The following GLT8D2 variants were observed in gnomAD, a reference collection of about 807,000 sequenced individuals.
GLT8D2 encodes the protein glycosyltransferase 8 domain containing 2, also known as glycosyltransferase 8 domain-containing protein 2.
GLT8D2 carries 45 observed loss-of-function variants against 44.5 expected under a neutral mutation model. The ratio of observed to expected loss-of-function variants is 1.01; its 90% CI spans 0.80 to 1.30. GLT8D2 has a LOEUF of 1.30. Ranked by LOEUF, GLT8D2 falls within the 50% of genes most tolerant of loss-of-function variation. The probability of loss-of-function intolerance (pLI) is 0.00; values close to 1 mark genes in which losing one functional copy is unlikely to be tolerated. For missense variants in GLT8D2, 400 were observed against 430.4 expected, an observed-to-expected ratio of 0.93 and a Z score of 0.62; for synonymous variants, 156 against 157.2, an observed-to-expected ratio of 0.99 and a Z score of 0.06.
At chr12:104,005,227 TA>T (rs1353147043) in intron 4 of GLT8D2, among the ~76,000 whole-genome samples, 1 of 152,066 alleles carries the variant, frequency 6.6e-6, no homozygotes, top group Admixed American at 6.5e-5. Context: ...ATACAAAAAT[TA>T]ATTCAAGATG....
intron 1 of GLT8D2, among the ~76,000 whole-genome samples, chr12:104,022,595 G>A (rs1566203182): frequency 6.6e-6 from 1 of 151,994 alleles, no homozygotes; most frequent in African/African-American, 2.4e-5. Context: ...TATGGCCCTT[G>A]GCACTGATCA....
chr12:104,053,416 G>A (rs574040582), upstream of GLT8D2, among the ~76,000 whole-genome samples: 1 of 152,330 alleles, frequency 6.6e-6, no homozygotes, highest in East Asian at 1.9e-4. Flanking sequence ...TGACACCAGA[G>A]TGGCCTTTGG....
intron 3 of GLT8D2, among the ~76,000 whole-genome samples, chr12:104,016,130 G>T (rs535579351): frequency 3.3e-5 from 5 of 152,304 alleles, no homozygotes; most frequent in African/African-American, 1.2e-4. Context: ...AATAACAGTG[G>T]TGAAACGCAG....
chr12:104,016,774 AGAAG>A (rs1160367285), intron 3 of GLT8D2, among the ~76,000 whole-genome samples: 733 of 58,178 alleles, frequency 0.013, 38 homozygotes, highest in African/African-American at 0.017. Flanking sequence ...AAAGAAAGAA[AGAAG>A]GAAGGAAGGA....
intron 7 of GLT8D2, 147 bp downstream of exon 7, chr12:103,997,304 T>G (rs1451222271): frequency 3.0e-6 from 2 of 665,136 alleles, no homozygotes; most frequent in East Asian, 5.1e-5. Flanking sequence ...CCAAAATACT[T>G]CCACATTTAC....
intron 3 of GLT8D2, among the ~76,000 whole-genome samples, chr12:104,019,345 C>T (rs1477618927): frequency 6.6e-6 from 1 of 152,030 alleles, no homozygotes; most frequent in Non-Finnish European, 1.5e-5. Context: ...CCAGGCTGGT[C>T]TCGAACTCCC....
intron 1 of GLT8D2, among the ~76,000 whole-genome samples, chr12:104,047,434 A>T (rs1881285930): frequency 6.6e-6 from 1 of 151,150 alleles, no homozygotes; most frequent in South Asian, 2.1e-4. Context: ...CCTTCCAAAT[A>T]GCTGGGATTA....
chr12:104,012,943 A>C (rs937590718), intron 4 of GLT8D2: 12 of 575,748 alleles, frequency 2.1e-5, no homozygotes, highest in Non-Finnish European at 3.7e-5. Flanking sequence ...CCAAGGAGAG[A>C]GGCCTCAGGA....
chr12:104,025,365 C>A (rs1461755610), intron 1 of GLT8D2, among the ~76,000 whole-genome samples: 2 of 151,942 alleles, frequency 1.3e-5, no homozygotes, highest in African/African-American at 4.8e-5. Context: ...CACACCACTG[C>A]ACCTGGCTAA....
Position 103,997,448 on chromosome 12 carries a change from T to C in GLT8D2, c.487+3A>G, listed in dbSNP as rs2136281228. 1 of 1,601,736 alleles carries C rather than the reference T, an allele frequency of 6.2e-7. No homozygotes were observed. ...AAGTGTTCTTGGCAGTTAGCGAGAG[T>C]ACCTTGTACAATTACATCATCGTCC... On this transcript the variant is annotated splice_donor_region_variant and intron_variant, in intron 7 of 10. Coordinates refer to ENST00000360814, the MANE Select transcript of GLT8D2 (RefSeq NM_001384711.1).
At chr12:104,028,916 C>T (rs1238069822) in intron 1 of GLT8D2, among the ~76,000 whole-genome samples, 2 of 149,494 alleles carry the variant, frequency 1.3e-5, no homozygotes, top group African/African-American at 4.9e-5. Flanking sequence ...CTGGTCTCTT[C>T]AAATATGTCA....
chr12:103,994,685 A>C (rs938027423), intron 8 of GLT8D2, among the ~76,000 whole-genome samples, 184 bp from the exon 9 acceptor site: 6 of 152,046 alleles, frequency 3.9e-5, no homozygotes, highest in African/African-American at 1.4e-4. Context: ...CTAAATGCTG[A>C]ATGCCCTAAG....
chr12:104,050,645 T>C (rs1038497), upstream of GLT8D2, among the ~76,000 whole-genome samples: 1 of 151,968 alleles, frequency 6.6e-6, no homozygotes, highest in African/African-American at 2.4e-5. Flanking sequence ...CTCTGCGGTG[T>C]GTTCTCAAAC....
At chr12:104,007,852 G>A (rs764517534) in intron 4 of GLT8D2, among the ~76,000 whole-genome samples, 32 of 152,154 alleles carry the variant, frequency 2.1e-4, no homozygotes, top group Non-Finnish European at 4.0e-4. Context: ...TGTTCTCATG[G>A]TAGTGAATAA....
At chr12:104,016,303 A>T (rs1265073449) in intron 3 of GLT8D2, among the ~76,000 whole-genome samples, 1 of 152,062 alleles carries the variant, frequency 6.6e-6, no homozygotes, top group Admixed American at 6.6e-5. Flanking sequence ...CTTAGCCATT[A>T]TGACACAGCT....
At chr12:104,001,759 A>T (rs911182555) in intron 5 of GLT8D2, among the ~76,000 whole-genome samples, 1 of 152,098 alleles carries the variant, frequency 6.6e-6, no homozygotes, top group Non-Finnish European at 1.5e-5. Flanking sequence ...GCTGAAGCGC[A>T]GTGGCACGAT....
intron 4 of GLT8D2, among the ~76,000 whole-genome samples, chr12:104,006,814 T>C (rs1386809519): frequency 2.0e-5 from 3 of 152,206 alleles, no homozygotes; most frequent in African/African-American, 7.2e-5. Context: ...AAATCTATTA[T>C]TTTGGAGCTA....
chr12:104,025,784 A>G (rs1316573387), intron 1 of GLT8D2, among the ~76,000 whole-genome samples: 2 of 152,050 alleles, frequency 1.3e-5, no homozygotes, highest in African/African-American at 4.8e-5. Flanking sequence ...TTTTTCTTTA[A>G]TATTTTGTTC....
At chr12:104,009,445 T>A (rs1875529525) in intron 4 of GLT8D2, among the ~76,000 whole-genome samples, 1 of 152,212 alleles carries the variant, frequency 6.6e-6, no homozygotes, top group Non-Finnish European at 1.5e-5. Context: ...CCCCACTGTA[T>A]CTAGGAAGAG....
Sources: gnomAD v4.1 joint callset for allele counts (sites outside exome capture counted in the v4.1 genomes callset) on GRCh38, gnomAD v4.1.1 for gene constraint, MANE v1.5 for transcripts, NCBI Gene and HGNC (gene_info 2026-07-23, HGNC 2026-07-21) for gene names.